TOR1AIP2: variants seen among roughly 807,000 people sequenced by gnomAD.
TOR1AIP2 encodes the protein torsin 1A interacting protein 2, also known as torsin-1A-interacting protein 2.
A neutral mutation model predicts 32.6 loss-of-function variants in TOR1AIP2; 20 were observed. The ratio of observed to expected loss-of-function variants is 0.61; its 90% confidence interval spans 0.43 to 0.89. The LOEUF (loss-of-function observed/expected upper bound fraction) is 0.89, where lower values mean the gene tolerates loss of function less well. Among genes scored for constraint, TOR1AIP2 ranks in the 40% least tolerant of loss-of-function variants. TOR1AIP2 has a pLI of 0.00. For synonymous variants in TOR1AIP2, 214 were observed against 210.8 expected, an observed-to-expected ratio of 1.02 and a Z score of -0.13; for missense variants, 456 against 553.8, an observed-to-expected ratio of 0.82 and a Z score of 1.77.
At position 179,842,409 on chromosome 1, in the gene TOR1AIP2, T is replaced by C. The variant is rs1217201394; in HGVS notation, c.*3662A>G. The C allele has an allele frequency of 1.3e-5, 2 of 152,214 alleles. No individual in the cohort carries two copies. The highest frequency in any genetic ancestry group is 1.3e-4 in the Admixed American group (2 of 15,278). 9.4% of individuals were successfully genotyped at this position (152,214 alleles called of 1,614,324 possible). A position where few individuals can be genotyped will look rare whatever the true frequency, so the allele number is the denominator to read the frequency against. On this transcript the variant is annotated 3_prime_UTR_variant, in exon 7 of 7. Transcript: ENST00000609928. The stretch of plus-strand genomic sequence containing the variant: ...AATATGAAACAAATTAGCATTACTA[T>C]TTTAGTGATATGAACACCTTTAGTG...
intron 3 of TOR1AIP2, chr1:179,862,925 CAA>C (rs550277192): frequency 8.4e-4 from 75 of 88,944 alleles, no homozygotes; most frequent in Admixed American, 1.2e-3. Flanking sequence ...GAGACTCCGT[CAA>C]AAAAAAAAAA....
intron 6 of TOR1AIP2, 52 bp downstream of exon 6, chr1:179,847,483 G>T: frequency 1.6e-6 from 2 of 1,224,028 alleles, no homozygotes; most frequent in Non-Finnish European, 2.4e-6. Flanking sequence ...CATTTTCACT[G>T]AGGATTTCTG....
At position 179,845,547 on chromosome 1, in the gene TOR1AIP2, A is replaced by C. The variant is rs1318854851; in HGVS notation, c.*524T>G. On this transcript the variant is annotated 3_prime_UTR_variant, in exon 7 of 7. Transcript: ENST00000609928. ...CTTATTTCTTTTATCATACTACTCA[A>C]AACTGCAAAATTAATATAAGATATA... 6.6e-6 allele frequency: 1 copy of C among 152,588 alleles called. No homozygotes were observed. 9.5% of individuals were successfully genotyped at this position (152,588 alleles called of 1,614,324 possible).
intron 4 of TOR1AIP2, 46 bp from the exon 5 acceptor site, chr1:179,851,409 T>A (rs761545695): frequency 1.4e-6 from 2 of 1,381,996 alleles, no homozygotes. Context: ...AAATTCCCCA[T>A]AAATTTATAT....
At chr1:179,857,133 G>T (rs886565627) in intron 3 of TOR1AIP2, among the ~76,000 whole-genome samples, 1 of 152,212 alleles carries the variant, frequency 6.6e-6, no homozygotes, top group Non-Finnish European at 1.5e-5. Context: ...AGACCTGTGT[G>T]CTTCATATGG....
At chr1:179,850,426 AT>A (rs1256999899) in intron 5 of TOR1AIP2, among the ~76,000 whole-genome samples, 3 of 152,274 alleles carry the variant, frequency 2.0e-5, no homozygotes, top group African/African-American at 7.2e-5. Flanking sequence ...ATTAATGCTC[AT>A]TTTTAAATAT....
At chr1:179,856,754 C>A (rs1402772547) in intron 3 of TOR1AIP2, among the ~76,000 whole-genome samples, 2 of 152,168 alleles carry the variant, frequency 1.3e-5, no homozygotes, top group Non-Finnish European at 2.9e-5. Context: ...GCTGGGACTA[C>A]AGCTGCGCAC....
chr1:179,866,786 A>T (rs1696802115), intron 2 of TOR1AIP2, among the ~76,000 whole-genome samples: 1 of 152,182 alleles, frequency 6.6e-6, no homozygotes, highest in African/African-American at 2.4e-5. Flanking sequence ...AATAGTCCTG[A>T]GCTATTCTTG....
chr1:179,847,676 A>C (rs1695962449), intron 5 of TOR1AIP2, 40 bp from the exon 6 acceptor site: 2 of 1,301,248 alleles, frequency 1.5e-6, no homozygotes, highest in Non-Finnish European at 2.2e-6. Flanking sequence ...TAGGCAGTAC[A>C]CTAATGACAG....
At chr1:179,862,112 T>TGC (rs1271002712) in intron 3 of TOR1AIP2, 72 of 985,248 alleles carry the variant, frequency 7.3e-5, no homozygotes, top group Non-Finnish European at 8.3e-5. Flanking sequence ...TCACAGGTAC[T>TGC]GCTTAGGTAT....
Position 179,845,822 on chromosome 1 carries a change from C to T in TOR1AIP2, c.*249G>A, listed in dbSNP as rs538472114. On this transcript the variant is annotated 3_prime_UTR_variant, in exon 7 of 7. Transcript: ENST00000609928. ...ATTTAAAAAAAATTCTCATATATATCATCGATATTTCAAACCTGATTTGGT... is the reference window on the plus strand; with the variant it reads ...ATTTAAAAAAAATTCTCATATATATTATCGATATTTCAAACCTGATTTGGT... The T allele has an allele frequency of 2.4e-6, 1 of 415,468 alleles. No homozygotes were observed. Among genetic ancestry groups the T allele is most frequent in the South Asian group, 5.7e-5 (1 of 17,476 alleles). The allele number at this position is 415,468 out of a possible 1,614,324, so 25.7% of individuals were successfully genotyped here. A position where few individuals can be genotyped will look rare whatever the true frequency, so the allele number is the denominator to read the frequency against.
intron 3 of TOR1AIP2, chr1:179,864,216 T>C (rs759799329): frequency 3.0e-6 from 3 of 985,490 alleles, no homozygotes; most frequent in Non-Finnish European, 3.6e-6. Context: ...ACACTGAGGA[T>C]GGGCCAAACA....
chr1:179,852,457 G>A (rs931443764), intron 4 of TOR1AIP2, among the ~76,000 whole-genome samples, 175 bp downstream of exon 4: 5 of 152,010 alleles, frequency 3.3e-5, no homozygotes, highest in Non-Finnish European at 5.9e-5. Flanking sequence ...TTAGGGTCTC[G>A]CATTATAGTA....
chr1:179,861,138 A>G, intron 3 of TOR1AIP2: 1 of 985,492 alleles, frequency 1.0e-6, no homozygotes, highest in Non-Finnish European at 1.2e-6. Context: ...CTACCATAAC[A>G]TATAAGCAAT....
chr1:179,860,331 A>G, intron 3 of TOR1AIP2: 1 of 756,110 alleles, frequency 1.3e-6, no homozygotes, highest in Non-Finnish European at 1.6e-6. Context: ...AAAATAAAAA[A>G]ATTAGCTGGG....
rs550402108 is a variant in TOR1AIP2 at position 179,864,803 on chromosome 1, T to C, written c.-147+633A>G. On this transcript the variant is annotated intron_variant, in intron 3 of 6. Coordinates refer to ENST00000609928, the MANE Select transcript of TOR1AIP2 (RefSeq NM_001199260.2). ...AAGCTATTTGTTTTGGCCCAGTTTT[T>C]TGTTTAAGGTTTTATCTGTTCTGGT... 4.4e-6 allele frequency: 7 copies of C among 1,600,516 alleles called. No individual in the cohort carries two copies. The African/African-American group carries it at 8.1e-5, about 19-fold the overall frequency.
intron 5 of TOR1AIP2, among the ~76,000 whole-genome samples, chr1:179,848,692 C>T (rs1255802860): frequency 5.3e-5 from 8 of 152,108 alleles, no homozygotes; most frequent in Non-Finnish European, 1.2e-4. Flanking sequence ...GTTCCTATCA[C>T]CCCAAAGAGT....
intron 6 of TOR1AIP2, among the ~76,000 whole-genome samples, chr1:179,847,163 A>AT (rs1323647812): frequency 2.0e-5 from 3 of 152,066 alleles, no homozygotes; most frequent in Non-Finnish European, 4.4e-5. Context: ...AGTGATCAAG[A>AT]TTTTTTTTCA....
chr1:179,861,931 C>T (rs555196896), intron 3 of TOR1AIP2: 614 of 970,106 alleles, frequency 6.3e-4, no homozygotes, highest in Non-Finnish European at 7.4e-4. Context: ...AACTCCTGGG[C>T]TCAAGTGATC....
Sources: gnomAD v4.1 joint callset for allele counts (sites outside exome capture counted in the v4.1 genomes callset) on GRCh38, gnomAD v4.1.1 for gene constraint, MANE v1.5 for transcripts, NCBI Gene and HGNC (gene_info 2026-07-23, HGNC 2026-07-21) for gene names.